The following SV2C variants were observed in gnomAD, a reference collection of about 807,000 sequenced individuals.
SV2C encodes solute carrier family 22 member B3.
In SV2C, 49 loss-of-function variants were observed where a neutral mutation model predicts 79.7. That is an observed-to-expected ratio of 0.61 (90% confidence interval 0.49 to 0.78). The LOEUF (loss-of-function observed/expected upper bound fraction) is 0.78. Ranked by LOEUF, SV2C falls within the 30% of genes least tolerant of loss-of-function variation. SV2C has a pLI of 0.00. For missense variants in SV2C, 833 were observed against 912.9 expected, an observed-to-expected ratio of 0.91 and a Z score of 1.13; for synonymous variants, 334 against 333.2, an observed-to-expected ratio of 1.00 and a Z score of -0.03.
At chr5:76,321,327 T>G (rs1748822544) in intron 12 of SV2C, among the ~76,000 whole-genome samples, 1 of 152,012 alleles carries the variant, frequency 6.6e-6, no homozygotes, top group Non-Finnish European at 1.5e-5. Flanking sequence ...ATCCAAAAAT[T>G]GCCCTGTATT....
the SV2C span, among the ~76,000 whole-genome samples, chr5:76,036,206 A>G: frequency 6.6e-6 from 1 of 151,746 alleles, no homozygotes; most frequent in Non-Finnish European, 1.5e-5. Context: ...CCAATTTGCC[A>G]GTCTGTGTCT....
the SV2C span, among the ~76,000 whole-genome samples, chr5:76,001,151 T>A: frequency 6.6e-6 from 1 of 151,982 alleles, no homozygotes; most frequent in East Asian, 1.9e-4. Flanking sequence ...TGCACCAAAG[T>A]TGGGGACCCT....
chr5:76,187,037 C>T (rs930246025), intron 2 of SV2C, among the ~76,000 whole-genome samples: 4 of 152,150 alleles, frequency 2.6e-5, no homozygotes, highest in African/African-American at 7.2e-5. Context: ...AGGAGAACCT[C>T]GCAAGGGATG....
At chr5:76,094,955 C>A (rs1287100337) in intron 1 of SV2C, among the ~76,000 whole-genome samples, 1 of 151,894 alleles carries the variant, frequency 6.6e-6, no homozygotes, top group Non-Finnish European at 1.5e-5. Flanking sequence ...TAATAAAGTC[C>A]AATTTTTCTC....
chr5:75,923,007 T>C, the SV2C span, among the ~76,000 whole-genome samples: 1 of 152,080 alleles, frequency 6.6e-6, no homozygotes, highest in African/African-American at 2.4e-5. Flanking sequence ...GAGGGATAAG[T>C]AACTTGCCCG....
At chr5:76,266,238 C>T (rs769208433) in intron 4 of SV2C, among the ~76,000 whole-genome samples, 3 of 152,142 alleles carry the variant, frequency 2.0e-5, no homozygotes, top group African/African-American at 7.2e-5. Context: ...GATGGAGTCT[C>T]ACTCTGTCAC....
the SV2C span, among the ~76,000 whole-genome samples, chr5:75,891,357 C>T: frequency 6.6e-6 from 1 of 151,966 alleles, no homozygotes; most frequent in Non-Finnish European, 1.5e-5. Flanking sequence ...ATGTAACTGC[C>T]CACACTTTAG....
At chr5:76,233,013 T>C (rs1462507005) in intron 4 of SV2C, among the ~76,000 whole-genome samples, 2 of 141,114 alleles carry the variant, frequency 1.4e-5, no homozygotes, top group Non-Finnish European at 3.0e-5. Flanking sequence ...GCATTGAATC[T>C]GTAAATTACC....
intron 12 of SV2C, among the ~76,000 whole-genome samples, chr5:76,351,600 G>T (rs111731064): frequency 5.3e-4 from 81 of 152,310 alleles, no homozygotes; most frequent in Middle Eastern, 3.4e-3. Flanking sequence ...AACTGTCTCA[G>T]CAGGGAATTG....
At chr5:76,078,222 A>G in the SV2C span, among the ~76,000 whole-genome samples, 2 of 152,206 alleles carry the variant, frequency 1.3e-5, no homozygotes, top group Non-Finnish European at 2.9e-5. Context: ...CATTGGAGGG[A>G]AAAGTCAGCC....
At chr5:76,110,138 C>T (rs1748051585) in intron 1 of SV2C, among the ~76,000 whole-genome samples, 1 of 152,108 alleles carries the variant, frequency 6.6e-6, no homozygotes, top group South Asian at 2.1e-4. Context: ...AAAGGACTGA[C>T]TTCTATATTT....
chr5:76,049,025 A>AAGAAAGAAAGAAAGAAAGAAAG, the SV2C span, among the ~76,000 whole-genome samples: 1 of 48,148 alleles, frequency 2.1e-5, no homozygotes, highest in Non-Finnish European at 4.9e-5. Context: ...GAAAGAAAGA[A>AAGAAAGAAAGAAAGAAAGAAAG]AAAGAAAAGA....
chr5:76,282,744 T>A (rs533625162), intron 4 of SV2C, among the ~76,000 whole-genome samples: 1 of 152,260 alleles, frequency 6.6e-6, no homozygotes, highest in East Asian at 1.9e-4. Context: ...GCACAGTGGC[T>A]CACACTTGTA....
chr5:75,925,915 G>GA, the SV2C span, among the ~76,000 whole-genome samples: 1 of 152,054 alleles, frequency 6.6e-6, no homozygotes, highest in Non-Finnish European at 1.5e-5. Flanking sequence ...AGGTTTCCAT[G>GA]AATCACTTGG....
chr5:75,850,200 T>C, the SV2C span, among the ~76,000 whole-genome samples: 2 of 152,206 alleles, frequency 1.3e-5, no homozygotes, highest in African/African-American at 4.8e-5. Context: ...ATTTAGCAGA[T>C]AAAAATTAGA....
the SV2C span, among the ~76,000 whole-genome samples, chr5:76,032,436 C>G: frequency 2.6e-5 from 4 of 152,090 alleles, no homozygotes; most frequent in Non-Finnish European, 4.4e-5. Context: ...TGTGATGTTC[C>G]CCTTCCTGTG....
chr5:76,132,369 G>A (rs747334802), intron 2 of SV2C, 39 bp downstream of exon 2: 32 of 1,548,840 alleles, frequency 2.1e-5, no homozygotes, highest in Non-Finnish European at 2.8e-5. Flanking sequence ...TCTGAAACTG[G>A]CTTATTTGTT....
the SV2C span, among the ~76,000 whole-genome samples, chr5:76,022,934 C>T: frequency 0.01 from 1,583 of 152,274 alleles, 28 homozygotes; most frequent in African/African-American, 0.034. Context: ...TATGTTGGCA[C>T]TGGAAAATTT....
intron 4 of SV2C, among the ~76,000 whole-genome samples, chr5:76,266,661 G>GC (rs1398813224): frequency 6.6e-6 from 1 of 152,178 alleles, no homozygotes. Context: ...TGAGGGTAGG[G>GC]CAGGAATGAT....
Sources: gnomAD v4.1 joint callset for allele counts (sites outside exome capture counted in the v4.1 genomes callset) on GRCh38, gnomAD v4.1.1 for gene constraint, MANE v1.5 for transcripts, NCBI Gene and HGNC (gene_info 2026-07-23, HGNC 2026-07-21) for gene names.